The following RSPO3 variants were observed in gnomAD, a reference collection of about 807,000 sequenced individuals.
The protein encoded by RSPO3 is R-spondin-3.
A neutral mutation model predicts 36.5 loss-of-function variants in RSPO3; 17 were observed. The observed-to-expected ratio is 0.47, with a 90% CI of 0.32 to 0.70. The LOEUF (loss-of-function observed/expected upper bound fraction) is 0.70. RSPO3 is among the 30% of genes least tolerant of loss of function. The probability of loss-of-function intolerance (pLI) is 0.04; values close to 1 mark genes in which losing one functional copy is unlikely to be tolerated. For missense variants in RSPO3, 294 were observed against 322.5 expected (o/e 0.91, Z 0.68); for synonymous variants, 108 against 107.0 (o/e 1.01, Z -0.06).
chr6:127,189,441 A>G (rs1014910763), intron 4 of RSPO3, among the ~76,000 whole-genome samples: 9 of 152,026 alleles, frequency 5.9e-5, no homozygotes, highest in African/African-American at 2.2e-4. Flanking sequence ...GTAGATAAGT[A>G]AGCAGGGGTC....
intron 4 of RSPO3, among the ~76,000 whole-genome samples, chr6:127,180,492 A>C (rs564441746): frequency 4.7e-4 from 69 of 145,622 alleles, no homozygotes; most frequent in East Asian, 1.8e-3. Flanking sequence ...GAAAACAAAA[A>C]AAAAAAAAAA....
rs1458777823 is a variant in RSPO3, at chr6:127,139,612, T to A, written c.98-9036T>A. ...AAAAATTTCTAATTATTTCTAACCTTAAAAAAAAATGGAATGCTTCTCTCA... is the reference window on the plus strand; with the variant it reads ...AAAAATTTCTAATTATTTCTAACCTAAAAAAAAAATGGAATGCTTCTCTCA... On this transcript the variant is annotated intron_variant, in intron 1 of 4. Coordinates refer to ENST00000356698, the MANE Select transcript of RSPO3 (RefSeq NM_032784.5). Among the ~76,000 whole-genome samples, 3 of 150,982 alleles carry A rather than the reference T, an allele frequency of 2.0e-5. No homozygotes were observed. In the East Asian group the frequency reaches 5.8e-4, roughly 29 times the overall value.
chr6:127,173,584 T>C (rs1774986537), intron 4 of RSPO3, among the ~76,000 whole-genome samples: 1 of 151,878 alleles, frequency 6.6e-6, no homozygotes, highest in Non-Finnish European at 1.5e-5. Context: ...TTCTACTCAA[T>C]TTATGAAGCA....
At chr6:127,195,724 A>C (rs957651742) in intron 4 of RSPO3, 99 bp from the exon 5 acceptor site, 1 of 757,382 alleles carries the variant, frequency 1.3e-6, no homozygotes, top group Admixed American at 3.1e-5. Flanking sequence ...TATCATTATG[A>C]TATATAATCT....
intron 4 of RSPO3, among the ~76,000 whole-genome samples, chr6:127,187,137 G>A (rs1775310949): frequency 1.3e-5 from 2 of 152,130 alleles, no homozygotes; most frequent in African/African-American, 4.8e-5. Context: ...ACAGGGTAGA[G>A]TACGAGTGTT....
At chr6:127,162,308 A>C (rs1774724458) in intron 4 of RSPO3, among the ~76,000 whole-genome samples, 1 of 152,126 alleles carries the variant, frequency 6.6e-6, no homozygotes, top group Non-Finnish European at 1.5e-5. Flanking sequence ...GGAGAGGAGA[A>C]TTATAGCCAT....
intron 4 of RSPO3, among the ~76,000 whole-genome samples, chr6:127,171,034 G>C (rs1374432977): frequency 2.0e-5 from 3 of 151,632 alleles, no homozygotes; most frequent in Non-Finnish European, 3.0e-5. Context: ...GTAGTTATGT[G>C]TTTTTTACCC....
At chr6:127,148,052 T>A (rs1174034382) in intron 1 of RSPO3, among the ~76,000 whole-genome samples, 2 of 152,148 alleles carry the variant, frequency 1.3e-5, no homozygotes, top group Non-Finnish European at 2.9e-5. Context: ...AGCTTCAGCA[T>A]CAGTTTGCAT....
At chr6:127,125,006 T>C (rs990542811) in intron 1 of RSPO3, among the ~76,000 whole-genome samples, 5 of 152,158 alleles carry the variant, frequency 3.3e-5, no homozygotes, top group African/African-American at 1.2e-4. Flanking sequence ...TTGAACTGTT[T>C]GAATAATTTT....
At chr6:127,134,210 T>C (rs1774109620) in intron 1 of RSPO3, among the ~76,000 whole-genome samples, 1 of 152,176 alleles carries the variant, frequency 6.6e-6, no homozygotes, top group Non-Finnish European at 1.5e-5. Flanking sequence ...TTATGAGCAA[T>C]GAATAGGACT....
At chr6:127,123,886 T>C (rs1011502415) in intron 1 of RSPO3, among the ~76,000 whole-genome samples, 3 of 152,090 alleles carry the variant, frequency 2.0e-5, no homozygotes, top group Non-Finnish European at 4.4e-5. Context: ...AGTAAAATTT[T>C]ATTTTCCAGT....
At chr6:127,124,449 G>A (rs1457234647) in intron 1 of RSPO3, among the ~76,000 whole-genome samples, 1 of 151,898 alleles carries the variant, frequency 6.6e-6, no homozygotes, top group Non-Finnish European at 1.5e-5. Flanking sequence ...AAGACAGTGT[G>A]TTGAAATTAT....
intron 2 of RSPO3, among the ~76,000 whole-genome samples, chr6:127,149,394 C>T (rs1405154715): frequency 1.3e-5 from 2 of 152,028 alleles, no homozygotes; most frequent in Non-Finnish European, 2.9e-5. Flanking sequence ...TACAACTCCC[C>T]CTCACCCATT....
intron 1 of RSPO3, among the ~76,000 whole-genome samples, chr6:127,129,867 GTGTC>G (rs902974993): frequency 1.3e-5 from 2 of 152,118 alleles, no homozygotes; most frequent in South Asian, 2.1e-4. Flanking sequence ...ATAAAAGAAG[GTGTC>G]TGACTAGCAT....
At chr6:127,152,539 G>A (rs1005966596) in intron 3 of RSPO3, among the ~76,000 whole-genome samples, 6 of 152,138 alleles carry the variant, frequency 3.9e-5, no homozygotes, top group African/African-American at 1.4e-4. Flanking sequence ...TTTCAGTGCT[G>A]TAATTAGTAG....
chr6:127,139,601 A>T lies in RSPO3; in HGVS notation c.98-9047A>T, dbSNP rs1022763913. The stretch of plus-strand genomic sequence containing the variant: ...TAACCTTAAAAAAAAATTTCTAATT[A>T]TTTCTAACCTTAAAAAAAAATGGAA... On this transcript the variant is annotated intron_variant, in intron 1 of 4. Coordinates refer to ENST00000356698, the MANE Select transcript of RSPO3 (RefSeq NM_032784.5). Among the ~76,000 whole-genome samples the T allele has an allele frequency of 4.6e-5, 7 of 152,040 alleles. No homozygotes were observed. In the East Asian group the frequency reaches 5.8e-4, roughly 13 times the overall value.
At chr6:127,171,935 T>C (rs1774942319) in intron 4 of RSPO3, among the ~76,000 whole-genome samples, 1 of 151,496 alleles carries the variant, frequency 6.6e-6, no homozygotes, top group Admixed American at 6.6e-5. Flanking sequence ...ATTGCTTAAC[T>C]AAAAATGTGT....
At chr6:127,135,056 CT>C (rs750519269) in intron 1 of RSPO3, among the ~76,000 whole-genome samples, 1 of 152,178 alleles carries the variant, frequency 6.6e-6, no homozygotes, top group Non-Finnish European at 1.5e-5. Flanking sequence ...AACCAGACTA[CT>C]TGACAGAATG....
At chr6:127,120,907 A>C (rs1343322077) in intron 1 of RSPO3, among the ~76,000 whole-genome samples, 2 of 152,356 alleles carry the variant, frequency 1.3e-5, no homozygotes, top group African/African-American at 4.8e-5. Context: ...CGGACGCGGA[A>C]GGGGAGGCCT....
Sources: allele counts gnomAD v4.1 joint callset (sites outside exome capture counted in the v4.1 genomes callset), GRCh38; gene constraint gnomAD v4.1.1; transcripts MANE v1.5; gene names NCBI Gene and HGNC (gene_info 2026-07-23, HGNC 2026-07-21).